Variants in PCDHGA2 observed in about 807,000 individuals in gnomAD.
PCDHGA2 encodes protocadherin gamma-A2.
A neutral mutation model predicts 59.2 loss-of-function variants in PCDHGA2; 40 were observed. The observed-to-expected ratio is 0.68, with a 90% CI of 0.52 to 0.88. The LOEUF is 0.88. Ranked by LOEUF, PCDHGA2 falls within the 40% of genes least tolerant of loss-of-function variation. PCDHGA2 has a pLI of 0.00. For missense variants in PCDHGA2, 1,226 were observed against 1,204.0 expected (o/e 1.02, Z -0.27); for synonymous variants, 560 against 526.0 (o/e 1.06, Z -0.89).
intron 1 of PCDHGA2, chr5:141,346,558 G>A (rs763459310): frequency 6.7e-7 from 1 of 1,488,910 alleles, no homozygotes; most frequent in Non-Finnish European, 9.1e-7. Flanking sequence ...CCATGAGGTT[G>A]TCATTAGTCC....
chr5:141,507,206 G>A (rs1392293998), intron 3 of PCDHGA2: 2 of 152,376 alleles, frequency 1.3e-5, no homozygotes, highest in African/African-American at 4.8e-5. Flanking sequence ...CCAGATCAGG[G>A]TTGCCAGATA....
chr5:141,398,686 G>T (rs2093688431), intron 1 of PCDHGA2: 6 of 1,613,920 alleles, frequency 3.7e-6, no homozygotes, highest in Non-Finnish European at 5.1e-6. Context: ...GGAGAAACAG[G>T]ATGGTAGTAA....
chr5:141,364,415 G>A (rs368621667), intron 1 of PCDHGA2: 1 of 1,613,082 alleles, frequency 6.2e-7, no homozygotes, highest in East Asian at 2.2e-5. Context: ...GCCAGGATCC[G>A]GGCAGATCCG....
chr5:141,419,773 C>CAG, intron 1 of PCDHGA2: 1 of 1,614,034 alleles, frequency 6.2e-7, no homozygotes, highest in Non-Finnish European at 8.5e-7. Flanking sequence ...AGGACTCGGT[C>CAG]CGCCAGCGCC....
intron 3 of PCDHGA2, among the ~76,000 whole-genome samples, chr5:141,508,792 CT>C (rs1475631459): frequency 6.6e-6 from 1 of 152,130 alleles, no homozygotes; most frequent in Non-Finnish European, 1.5e-5. Flanking sequence ...CTAAATCACT[CT>C]GGAATCCTGG....
At chr5:141,383,425 C>T in intron 1 of PCDHGA2, 1 of 1,613,980 alleles carries the variant, frequency 6.2e-7, no homozygotes, top group Non-Finnish European at 8.5e-7. Context: ...CAGCCCCAAT[C>T]GCCACTTCTC....
At position 141,511,076 on chromosome 5, in the gene PCDHGA2, A is replaced by G. The variant is rs201009079; in HGVS notation, c.2702A>G (p.Asn901Ser). 19 of 1,614,218 alleles carry G rather than the reference A, an allele frequency of 1.2e-5. No individual in the cohort carries two copies. In the East Asian group the frequency reaches 3.6e-4, roughly 30 times the overall value. ...CAGAATGTCTACATCCCAGGCAGCA[A>G]TGCCACACTGACCAACGCAGCTGGC... ...YRQNVYIPGS[N>S]ATLTNAAGKR... Residue 901 changes from asparagine (N) to serine (S), a missense_variant, in exon 4 of 4, where the codon AAT (asparagine) becomes AGT (serine). Coordinates refer to ENST00000394576, the MANE Select transcript of PCDHGA2 (RefSeq NM_018915.4).
chr5:141,390,322 C>G, intron 1 of PCDHGA2: 1 of 1,606,310 alleles, frequency 6.2e-7, no homozygotes, highest in South Asian at 1.1e-5. Context: ...CATTGCCTAC[C>G]CATTTCTCCA....
chr5:141,354,144 A>T (rs1198413600), intron 1 of PCDHGA2, among the ~76,000 whole-genome samples: 1 of 152,216 alleles, frequency 6.6e-6, no homozygotes, highest in Non-Finnish European at 1.5e-5. Context: ...ATAATACTGA[A>T]TGTGTCATGT....
chr5:141,493,346 C>T lies in PCDHGA2; in HGVS notation c.2425-1461C>T, dbSNP rs766845200. Among the ~76,000 whole-genome samples, 5 of 152,172 alleles carry T rather than the reference C, an allele frequency of 3.3e-5. No individual in the cohort carries two copies. Among genetic ancestry groups the T allele is most frequent in the Non-Finnish European group, 7.3e-5 (5 of 68,028 alleles). On this transcript the variant is annotated intron_variant, in intron 1 of 3. Coordinates refer to ENST00000394576, the MANE Select transcript of PCDHGA2 (RefSeq NM_018915.4). The surrounding 1 kb of genome is among the most constrained non-coding windows in gnomAD (Gnocchi z 4.3). Reference sequence around the variant, plus strand: ...CCCCTGTCTAACTCCAGAATGTGTGCTTTTAATTTCTTGGCACTTGGAACT... The same window carrying T: ...CCCCTGTCTAACTCCAGAATGTGTGTTTTTAATTTCTTGGCACTTGGAACT...
intron 1 of PCDHGA2, chr5:141,360,095 C>T (rs1402675837): frequency 2.6e-6 from 4 of 1,524,018 alleles, no homozygotes; most frequent in South Asian, 2.6e-5. Context: ...CCCCGGAAGG[C>T]TTATTCCTCC....
intron 1 of PCDHGA2, chr5:141,345,187 T>TAA (rs751711051): frequency 6.2e-7 from 1 of 1,614,016 alleles, no homozygotes; most frequent in Non-Finnish European, 8.5e-7. Context: ...GTTGAAGTTT[T>TAA]TGTCCTGGGA....
chr5:141,376,522 G>A (rs767035645), intron 1 of PCDHGA2: 18 of 1,613,784 alleles, frequency 1.1e-5, no homozygotes, highest in Non-Finnish European at 1.5e-5. Flanking sequence ...GTTTCTTTCC[G>A]CCTAAGCGGG....
intron 1 of PCDHGA2, chr5:141,410,640 G>T: frequency 1.3e-6 from 2 of 1,599,058 alleles, no homozygotes; most frequent in Non-Finnish European, 1.7e-6. Flanking sequence ...TCTTTTTTGT[G>T]TGTGATTTAT....
In PCDHGA2 at chr5:141,339,532, T is replaced by C; in HGVS notation, c.561T>C (p.Asp187=). 1 of 1,614,138 alleles carries C rather than the reference T, an allele frequency of 6.2e-7. No homozygotes were observed. The highest frequency in any genetic ancestry group is 1.3e-5 in the African/African-American group (1 of 75,018). Residue 187 remains aspartate, a synonymous_variant, in exon 1 of 4, where the codon GAT becomes GAC. Coordinates refer to ENST00000394576, the MANE Select transcript of PCDHGA2 (RefSeq NM_018915.4). ...HFSLDVRRGA[D]GNKYPELVLE... ...CCCTGGACGTGCGAAGGGGAGCTGA[T>C]GGGAACAAGTACCCAGAACTGGTGC...
intron 1 of PCDHGA2, among the ~76,000 whole-genome samples, chr5:141,425,159 G>C (rs557552439): frequency 6.6e-6 from 1 of 152,126 alleles, no homozygotes; most frequent in South Asian, 2.1e-4. Context: ...AGCATCTAGG[G>C]ATAGGATTTA....
At chr5:141,345,153 C>T in intron 1 of PCDHGA2, 1 of 1,613,942 alleles carries the variant, frequency 6.2e-7, no homozygotes, top group Non-Finnish European at 8.5e-7. Context: ...CGTGCATGAC[C>T]GAGATTCTGG....
At chr5:141,389,655 G>A in intron 1 of PCDHGA2, 1 of 1,612,562 alleles carries the variant, frequency 6.2e-7, no homozygotes, top group South Asian at 1.1e-5. Flanking sequence ...CAAGGTAGTG[G>A]CGGTGGACGC....
At chr5:141,438,591 CATAT>C (rs946798767) in intron 1 of PCDHGA2, among the ~76,000 whole-genome samples, 213 of 75,464 alleles carry the variant, frequency 2.8e-3, no homozygotes, top group African/African-American at 5.5e-3. Flanking sequence ...TACATACATA[CATAT>C]ATATATATAT....
Sources: allele counts gnomAD v4.1 joint callset (sites outside exome capture counted in the v4.1 genomes callset), GRCh38; gene constraint gnomAD v4.1.1; non-coding constraint Gnocchi (gnomAD v3.1); transcripts MANE v1.5; gene names NCBI Gene and HGNC (gene_info 2026-07-23, HGNC 2026-07-21).